Variants in TFRC observed in about 807,000 individuals in gnomAD.
TFRC encodes transferrin receptor.
In TFRC, 35 loss-of-function variants were observed where a neutral mutation model predicts 85.8. The ratio of observed to expected loss-of-function variants is 0.41; its 90% CI spans 0.31 to 0.54. TFRC has a LOEUF of 0.54. Among genes scored for constraint, TFRC ranks in the 20% least tolerant of loss-of-function variants. The pLI is 0.31. For synonymous variants in TFRC, 362 were observed against 328.6 expected, an observed-to-expected ratio of 1.10 and a Z score of -1.10; for missense variants, 828 against 921.5, an observed-to-expected ratio of 0.90 and a Z score of 1.31.
chr3:196,060,039 C>A, intron 14 of TFRC, 141 bp downstream of exon 14: 1 of 624,594 alleles, frequency 1.6e-6, no homozygotes, highest in Non-Finnish European at 2.8e-6. Flanking sequence ...AGGCAAGTAT[C>A]CCTTAAATAA....
At chr3:196,060,275 C>A (rs754918760) in intron 13 of TFRC, 28 bp from the exon 14 acceptor site, 8 of 1,595,672 alleles carry the variant, frequency 5.0e-6, no homozygotes, top group Admixed American at 1.7e-5. Flanking sequence ...TATCATTGCC[C>A]CTTCTCCATT....
intron 3 of TFRC, 89 bp downstream of exon 3, chr3:196,075,070 G>C: frequency 1.3e-6 from 1 of 764,852 alleles, no homozygotes; most frequent in Non-Finnish European, 2.0e-6. Context: ...AAAAAAATAA[G>C]GTACAAAATA....
At chr3:196,074,679 G>C (rs1250885674) in intron 3 of TFRC, among the ~76,000 whole-genome samples, 2 of 152,016 alleles carry the variant, frequency 1.3e-5, no homozygotes, top group African/African-American at 4.8e-5. Context: ...AGGAGTTAGA[G>C]ACCAGCCTGA....
Position 196,067,516 on chromosome 3 carries a change from AC to A in TFRC, c.1040+1del. On this transcript the variant is annotated splice_donor_variant, in intron 9 of 18. Coordinates refer to ENST00000360110, the MANE Select transcript of TFRC (RefSeq NM_001128148.3). LOFTEE classifies it high-confidence loss of function. ...CAAGACCGCTTTCAAATAAAAACTT[AC>A]CCAAACAGCTTTTCTGCAGCAGCTC... is the stretch of plus-strand genomic sequence containing the variant. 4 of 1,613,098 alleles carry A rather than the reference AC, an allele frequency of 2.5e-6. No homozygotes were observed. Among genetic ancestry groups the A allele is most frequent in the Non-Finnish European group, 3.4e-6 (4 of 1,179,564 alleles).
At chr3:196,072,314 GAA>G (rs1050683751) in intron 4 of TFRC, among the ~76,000 whole-genome samples, 162 bp from the exon 5 acceptor site, 1 of 151,854 alleles carries the variant, frequency 6.6e-6, no homozygotes, top group African/African-American at 2.4e-5. Flanking sequence ...TATCACAAAA[GAA>G]AAAAAATTTT....
Position 196,058,353 on chromosome 3 carries a change from A to T in TFRC, c.1608T>A (p.Thr536=). Residue 536 remains threonine, a synonymous_variant, in exon 16 of 19, where the codon ACT becomes ACA. Transcript: ENST00000360110. Reference sequence around the variant, plus strand: ...GGAAAGGGAAAGCAGCATTGTCTAAAGTGAGTTTCTCACTGCAAAGACAAA... The same window carrying T: ...GGAAAGGGAAAGCAGCATTGTCTAATGTGAGTTTCTCACTGCAAAGACAAA... The part of the protein sequence containing the change: ...SNWASKVEKL[T]LDNAAFPFLA... The T allele has an allele frequency of 6.2e-7, 1 of 1,613,992 alleles. No homozygotes were observed. The highest frequency in any genetic ancestry group is 8.5e-7 in the Non-Finnish European group (1 of 1,179,926).
At chr3:196,071,624 T>C in intron 5 of TFRC, 126 bp from the exon 6 acceptor site, 1 of 1,024,544 alleles carries the variant, frequency 9.8e-7, no homozygotes, top group Non-Finnish European at 1.4e-6. Context: ...AGCTTGATTT[T>C]TATTTTAAAA....
chr3:196,049,687 G>A lies in TFRC; in HGVS notation c.*2255C>T, dbSNP rs1017616070. On this transcript the variant is annotated 3_prime_UTR_variant, in exon 19 of 19. Coordinates refer to ENST00000360110, the MANE Select transcript of TFRC (RefSeq NM_001128148.3). ...GCCCTGTATTCATATTGTGTTATAC[G>A]ATGAACATGCCACATGCTTTCATTT... is the stretch of plus-strand genomic sequence containing the variant. The A allele has an allele frequency of 1.7e-5, 4 of 229,456 alleles. No individual in the cohort carries two copies. The highest frequency in any genetic ancestry group is 4.4e-5 in the African/African-American group (2 of 45,122). 14.2% of individuals were successfully genotyped at this position (229,456 alleles called of 1,614,324 possible).
In TFRC at chr3:196,049,622, A is replaced by G; in HGVS notation, c.*2320T>C. On this transcript the variant is annotated 3_prime_UTR_variant, in exon 19 of 19. Coordinates refer to ENST00000360110, the MANE Select transcript of TFRC (RefSeq NM_001128148.3). ...GGAAGTAACTCAACCCTAACTGTAG[A>G]AAAGGGTTTTCTGAAGAGACTCACT... The G allele has an allele frequency of 4.4e-6, 1 of 226,192 alleles. No individual in the cohort carries two copies. Among genetic ancestry groups the G allele is most frequent in the Non-Finnish European group, 8.8e-6 (1 of 113,646 alleles). The allele number at this position is 226,192 out of a possible 1,614,324, so 14.0% of individuals were successfully genotyped here. A position where few individuals can be genotyped will look rare whatever the true frequency, so the allele number is the denominator to read the frequency against.
In TFRC at chr3:196,071,494, G is replaced by A. The variant is rs1233341950; in HGVS notation, c.589C>T (p.Gln197Ter). ...FVKIQVKDSA[Q>*]NSVIIVDKNG... is the part of the protein sequence containing the mutation. Reference sequence around the variant, plus strand: ...TTATCAACTATGATCACCGAGTTTTGAGCGCTGTTAAAAAGATTAAGTTAA... The same window carrying A: ...TTATCAACTATGATCACCGAGTTTTAAGCGCTGTTAAAAAGATTAAGTTAA... Residue 197 changes from glutamine to a stop codon, truncating the protein, a stop_gained, in exon 6 of 19, where the codon CAA (glutamine) becomes TAA (stop). Coordinates refer to ENST00000360110, the MANE Select transcript of TFRC (RefSeq NM_001128148.3). LOFTEE classifies it high-confidence loss of function. The A allele has an allele frequency of 3.1e-6, 5 of 1,613,810 alleles. No individual in the cohort carries two copies. Among genetic ancestry groups the A allele is most frequent in the Non-Finnish European group, 4.2e-6 (5 of 1,179,908 alleles).
chr3:196,052,748 C>T (rs948640643), intron 18 of TFRC, among the ~76,000 whole-genome samples: 1 of 152,054 alleles, frequency 6.6e-6, no homozygotes, highest in Non-Finnish European at 1.5e-5. Context: ...GCCAGCTGAT[C>T]AGACTTTCTA....
At chr3:196,062,739 G>A in intron 12 of TFRC, 94 bp from the exon 13 acceptor site, 1 of 1,541,636 alleles carries the variant, frequency 6.5e-7, no homozygotes, top group Non-Finnish European at 8.9e-7. Flanking sequence ...GGACTCTACT[G>A]AGACTAAACG....
Position 196,050,368 on chromosome 3 carries a change from T to C in TFRC, c.*1574A>G. 4.6e-6 allele frequency: 1 copy of C among 215,190 alleles called. No homozygotes were observed. Among genetic ancestry groups the C allele is most frequent in the Non-Finnish European group, 9.4e-6 (1 of 106,416 alleles). 13.3% of individuals were successfully genotyped at this position (215,190 alleles called of 1,614,324 possible). ...ATGCTTAATGACCACAAAATGTTTC[T>C]GCAACTAAAACTAAAAGATAGGGAA... is the stretch of plus-strand genomic sequence containing the variant. On this transcript the variant is annotated 3_prime_UTR_variant, in exon 19 of 19. Coordinates refer to ENST00000360110, the MANE Select transcript of TFRC (RefSeq NM_001128148.3).
Position 196,053,453 on chromosome 3 carries a change from ATCTG to A in TFRC, c.2001_2004del (p.Arg668LeufsTer3), listed in dbSNP as rs1459496211. The A allele has an allele frequency of 2.5e-6, 4 of 1,614,054 alleles. No homozygotes were observed. Among genetic ancestry groups the A allele is most frequent in the South Asian group, 1.1e-5 (1 of 91,082 alleles). On this transcript the variant is annotated frameshift_variant, in exon 18 of 19. Coordinates refer to ENST00000360110, the MANE Select transcript of TFRC (RefSeq NM_001128148.3). LOFTEE classifies it high-confidence loss of function. The stretch of plus-strand genomic sequence containing the variant: ...CGATCATTGAGTTTCTTCATGACAA[ATCTG>A]TCTGTTTTCTCAGCATTCCCGAAAT...
At chr3:196,079,682 AAAC>A (rs896039824) in intron 1 of TFRC, among the ~76,000 whole-genome samples, 10 of 152,224 alleles carry the variant, frequency 6.6e-5, no homozygotes, top group African/African-American at 1.9e-4. Context: ...TGGTGACTGA[AAAC>A]AACAATTCAA....
chr3:196,057,103 G>A (rs1276754235), intron 16 of TFRC, among the ~76,000 whole-genome samples: 1 of 152,178 alleles, frequency 6.6e-6, no homozygotes, highest in Non-Finnish European at 1.5e-5. Context: ...TAAGGGAGGA[G>A]ACCACCCCTC....
intron 9 of TFRC, 26 bp downstream of exon 9, chr3:196,067,492 A>G (rs1470251769): frequency 1.2e-6 from 2 of 1,610,518 alleles, no homozygotes; most frequent in Non-Finnish European, 1.7e-6. Context: ...CTCACTATGC[A>G]AGACCGCTTT....
At position 196,052,002 on chromosome 3, in the gene TFRC, A is replaced by C; in HGVS notation, c.2223T>G (p.Thr741=). 1 of 1,614,204 alleles carries C rather than the reference A, an allele frequency of 6.2e-7. No homozygotes were observed. The highest frequency in any genetic ancestry group is 8.5e-7 in the Non-Finnish European group (1 of 1,180,024). ...FRNQLALATW[T]IQGAANALSG... is the part of the protein sequence containing the mutation. ...AGAGGGCATTTGCAGCTCCCTGAAT[A>C]GTCCAAGTAGCTAGAGCCAACTGGT... Residue 741 remains threonine, a synonymous_variant, in exon 19 of 19, where the codon ACT becomes ACG. Transcript: ENST00000360110.
chr3:196,066,535 C>T (rs555869076), intron 9 of TFRC, among the ~76,000 whole-genome samples: 2 of 152,324 alleles, frequency 1.3e-5, no homozygotes, highest in South Asian at 4.1e-4. Context: ...GGCTTACTTA[C>T]ATAAATATAG....
Sources: allele counts gnomAD v4.1 joint callset (sites outside exome capture counted in the v4.1 genomes callset), GRCh38; gene constraint gnomAD v4.1.1; transcripts MANE v1.5; gene names NCBI Gene and HGNC (gene_info 2026-07-23, HGNC 2026-07-21).